Variants in CERS6 observed in about 807,000 individuals in gnomAD.
CERS6 encodes the protein LAG1 homolog, ceramide synthase 6.
Under a neutral mutation model 56.8 loss-of-function variants are expected in CERS6, and 26 were observed. The observed-to-expected ratio is 0.46, with a 90% CI of 0.34 to 0.63. The LOEUF is 0.63. Among genes scored for constraint, CERS6 ranks in the 30% least tolerant of loss-of-function variants. The pLI is 0.01. For synonymous variants in CERS6, 164 were observed against 173.3 expected, an observed-to-expected ratio of 0.95 and a Z score of 0.42; for missense variants, 415 against 467.5, an observed-to-expected ratio of 0.89 and a Z score of 1.04.
chr2:168,618,417 A>G (rs1684371773), intron 3 of CERS6, among the ~76,000 whole-genome samples: 1 of 152,352 alleles, frequency 6.6e-6, no homozygotes, highest in Middle Eastern at 3.4e-3. Context: ...AAGGCATCCA[A>G]ATCAGTCACA....
chr2:168,686,906 T>C (rs746262334), intron 4 of CERS6, among the ~76,000 whole-genome samples: 1 of 152,212 alleles, frequency 6.6e-6, no homozygotes, highest in South Asian at 2.1e-4. Context: ...AGCTTAGATA[T>C]GAGAGAAATG....
In CERS6 at chr2:168,774,714, TCA is replaced by T. The variant is rs1293286234; in HGVS notation, c.*5053_*5054del. On this transcript the variant is annotated 3_prime_UTR_variant, in exon 10 of 10. Coordinates refer to ENST00000305747, the MANE Select transcript of CERS6 (RefSeq NM_203463.3). ...GATTCTGAAACTTTAACTTAGAGCTTCATTACTTTAAGAATGGAAAACAACCT... is the reference window on the plus strand; with the variant it reads ...GATTCTGAAACTTTAACTTAGAGCTTTTACTTTAAGAATGGAAAACAACCT... 1.7e-4 allele frequency: 26 copies of T among 152,140 alleles called. No individual in the cohort carries two copies. The highest frequency in any genetic ancestry group is 6.3e-4 in the African/African-American group (26 of 41,428). The allele number at this position is 152,140 out of a possible 1,614,324, so 9.4% of individuals were successfully genotyped here.
chr2:168,498,484 G>A (rs916287092), intron 1 of CERS6, among the ~76,000 whole-genome samples: 1 of 152,134 alleles, frequency 6.6e-6, no homozygotes, highest in Non-Finnish European at 1.5e-5. Context: ...CACCAAGCAG[G>A]GTGGCCGGGT....
chr2:168,745,532 C>T (rs996227806), intron 8 of CERS6, among the ~76,000 whole-genome samples: 3 of 152,126 alleles, frequency 2.0e-5, no homozygotes, highest in African/African-American at 7.2e-5. Context: ...TGAACCACTG[C>T]GCCTGGCCAA....
chr2:168,668,571 C>T (rs546901293), intron 4 of CERS6, among the ~76,000 whole-genome samples: 34 of 151,684 alleles, frequency 2.2e-4, no homozygotes, highest in African/African-American at 8.2e-4. Context: ...CTCAGTCTCA[C>T]GAGTAGCTGG....
intron 3 of CERS6, among the ~76,000 whole-genome samples, chr2:168,601,792 C>T (rs117365197): frequency 0.03 from 4,496 of 152,152 alleles, 194 homozygotes; most frequent in African/African-American, 0.097. Context: ...TCAGGTGATC[C>T]GCCCACCCCA....
rs143344048 is a variant in CERS6 at position 168,583,850 on chromosome 2, G to A, written c.407+22528G>A. Among the ~76,000 whole-genome samples the A allele has an allele frequency of 4.6e-3, 700 of 152,202 alleles. 7 individuals are homozygous for A. The highest frequency in any genetic ancestry group is 0.016 in the African/African-American group (652 of 41,502). ...GCTGACTCTGTGCTGGCTGCTTTTC[G>A]AGGCCTTGTGAATATTCTCTGTTTG... On this transcript the variant is annotated intron_variant, in intron 3 of 9. Transcript: ENST00000305747.
At chr2:168,472,673 T>A (rs1336834711) in intron 1 of CERS6, among the ~76,000 whole-genome samples, 1 of 152,216 alleles carries the variant, frequency 6.6e-6, no homozygotes, top group East Asian at 1.9e-4. Flanking sequence ...TTTTCCACCT[T>A]ATTTGATTAA....
intron 1 of CERS6, among the ~76,000 whole-genome samples, chr2:168,457,504 C>T (rs949862108): frequency 6.6e-6 from 1 of 152,142 alleles, no homozygotes; most frequent in Admixed American, 6.5e-5. Context: ...CATGCATTCT[C>T]TGGGTGCTAC....
intron 1 of CERS6, among the ~76,000 whole-genome samples, chr2:168,486,480 C>G (rs1694276107): frequency 6.8e-6 from 1 of 146,856 alleles, no homozygotes; most frequent in South Asian, 2.1e-4. Flanking sequence ...GATCTGTGAT[C>G]CATTTTGAGC....
intron 4 of CERS6, among the ~76,000 whole-genome samples, chr2:168,685,776 G>A (rs1373999465): frequency 6.6e-6 from 1 of 152,016 alleles, no homozygotes; most frequent in Non-Finnish European, 1.5e-5. Flanking sequence ...AGCCACAGAT[G>A]CCTCCCAAGG....
At chr2:168,564,944 T>C (rs1444628753) in intron 3 of CERS6, among the ~76,000 whole-genome samples, 1 of 152,230 alleles carries the variant, frequency 6.6e-6, no homozygotes, top group East Asian at 1.9e-4. Flanking sequence ...AAATAAATAA[T>C]TTGTTATGAC....
chr2:168,558,856 A>G (rs561270179), intron 2 of CERS6, among the ~76,000 whole-genome samples: 4 of 152,284 alleles, frequency 2.6e-5, no homozygotes, highest in African/African-American at 9.6e-5. Flanking sequence ...GCGACAGAGC[A>G]AGACTCTGTC....
intron 8 of CERS6, among the ~76,000 whole-genome samples, chr2:168,764,229 A>T (rs1243359498): frequency 6.6e-6 from 1 of 151,742 alleles, no homozygotes; most frequent in Admixed American, 6.6e-5. Context: ...TGCAAGCCCC[A>T]CCTCCCAGGT....
intron 1 of CERS6, among the ~76,000 whole-genome samples, chr2:168,487,416 T>G (rs1226025203): frequency 1.3e-5 from 2 of 152,200 alleles, no homozygotes; most frequent in Admixed American, 6.5e-5. Flanking sequence ...AGGCTGCAAT[T>G]TCATAGAGAG....
chr2:168,774,467 T>G lies in CERS6; in HGVS notation c.*4805T>G, dbSNP rs1684948630. 6.6e-6 allele frequency: 1 copy of G among 152,210 alleles called. No homozygotes were observed. The highest frequency in any genetic ancestry group is 1.5e-5 in the Non-Finnish European group (1 of 68,044). 9.4% of individuals were successfully genotyped at this position (152,210 alleles called of 1,614,324 possible). A position where few individuals can be genotyped will look rare whatever the true frequency, so the allele number is the denominator to read the frequency against. ...TTCTTAACACAGGTCCATGAAAGTTTGGCTTCCTGGTTTGATGTCTGTTGC... is the reference window on the plus strand; with the variant it reads ...TTCTTAACACAGGTCCATGAAAGTTGGGCTTCCTGGTTTGATGTCTGTTGC... On this transcript the variant is annotated 3_prime_UTR_variant, in exon 10 of 10. Coordinates refer to ENST00000305747, the MANE Select transcript of CERS6 (RefSeq NM_203463.3).
At chr2:168,648,161 G>T (rs1035764295) in intron 4 of CERS6, among the ~76,000 whole-genome samples, 3 of 151,996 alleles carry the variant, frequency 2.0e-5, no homozygotes, top group Admixed American at 6.6e-5. Flanking sequence ...TGTTGTTGTT[G>T]TTGGTAGGCT....
chr2:168,469,605 G>A (rs1462937837), intron 1 of CERS6, among the ~76,000 whole-genome samples: 4 of 152,116 alleles, frequency 2.6e-5, no homozygotes, highest in African/African-American at 9.7e-5. Flanking sequence ...TGGTGGGAGT[G>A]ATCTGCTTTG....
intron 3 of CERS6, among the ~76,000 whole-genome samples, chr2:168,620,928 A>G (rs527495885): frequency 2.6e-4 from 39 of 152,074 alleles, no homozygotes; most frequent in African/African-American, 9.4e-4. Context: ...AAGCCAGGCT[A>G]ATTTTTGTAT....
Sources: gnomAD v4.1 joint callset for allele counts (sites outside exome capture counted in the v4.1 genomes callset) on GRCh38, gnomAD v4.1.1 for gene constraint, MANE v1.5 for transcripts, NCBI Gene and HGNC (gene_info 2026-07-23, HGNC 2026-07-21) for gene names.